Variants in PDE4DIP observed in about 807,000 individuals in gnomAD.
The protein encoded by PDE4DIP is myomegalin.
A neutral mutation model predicts 221.4 loss-of-function variants in PDE4DIP; 59 were observed. The ratio of observed to expected loss-of-function variants is 0.27; its 90% CI spans 0.22 to 0.33. The LOEUF is 0.33. PDE4DIP is among the 10% of genes least tolerant of loss of function. The probability of loss-of-function intolerance (pLI) is 1.00; values close to 1 mark genes in which losing one functional copy is unlikely to be tolerated. For missense variants in PDE4DIP, 1,036 were observed against 2,154.2 expected (o/e 0.48, Z 10.28); for synonymous variants, 404 against 815.9 (o/e 0.50, Z 8.60).
At chr1:149,006,552 A>G (rs1283194042) in intron 27 of PDE4DIP, 1 of 152,180 alleles carries the variant, frequency 6.6e-6, no homozygotes, top group African/African-American at 2.4e-5. Context: ...GGATGAAATG[A>G]TGCTAATTAT....
chr1:148,941,082 C>T (rs1204118627), intron 5 of PDE4DIP, among the ~76,000 whole-genome samples: 1 of 100,802 alleles, frequency 9.9e-6, no homozygotes, highest in African/African-American at 4.1e-5. Context: ...GAGACAGTTG[C>T]TCAGTGAGTA....
intron 14 of PDE4DIP, 36 bp downstream of exon 17, chr1:148,969,066 T>G: frequency 6.5e-7 from 1 of 1,549,060 alleles, no homozygotes. Flanking sequence ...AAGTGTCATG[T>G]AGTGCATTTA....
intron 1 of PDE4DIP, among the ~76,000 whole-genome samples, chr1:148,820,466 G>T (rs1285322960): frequency 6.8e-6 from 1 of 147,732 alleles, no homozygotes; most frequent in Non-Finnish European, 1.5e-5. Flanking sequence ...TACTCAGGAG[G>T]CTGAGGCAGG....
intron 5 of PDE4DIP, among the ~76,000 whole-genome samples, chr1:148,960,048 A>T (rs1403689328): frequency 7.2e-5 from 11 of 152,206 alleles, no homozygotes; most frequent in African/African-American, 2.7e-4. Flanking sequence ...TTAGTTGTAG[A>T]TAGTATACTC....
At chr1:149,019,759 A>C (rs1553615910) in intron 35 of PDE4DIP, among the ~76,000 whole-genome samples, 1 of 152,226 alleles carries the variant, frequency 6.6e-6, no homozygotes, top group Non-Finnish European at 1.5e-5. Context: ...GAAGTGCTGC[A>C]AGTTCAAAAA....
Position 149,009,494 on chromosome 1 carries a change from C to T in PDE4DIP, c.4704-74C>T. On this transcript the variant is annotated intron_variant, in intron 29 of 43. Transcript: ENST00000369354. ...GGTCCCCTTGGCTTACTTGGCTTTT[C>T]CTATGAGCCATAGTCAGGACAGGTT... 6 of 923,562 alleles carry T rather than the reference C, an allele frequency of 6.5e-6. No individual in the cohort carries two copies. In the South Asian group the frequency reaches 8.7e-5, roughly 13 times the overall value. 57.2% of individuals were successfully genotyped at this position (923,562 alleles called of 1,614,324 possible). A position where few individuals can be genotyped will look rare whatever the true frequency, so the allele number is the denominator to read the frequency against.
chr1:148,955,482 A>G (rs1467908597), intron 5 of PDE4DIP, among the ~76,000 whole-genome samples: 3 of 152,162 alleles, frequency 2.0e-5, no homozygotes, highest in Non-Finnish European at 1.5e-5. Context: ...TTTAAAGATC[A>G]TCTTCAGGCA....
intron 1 of PDE4DIP, among the ~76,000 whole-genome samples, chr1:148,919,372 C>T (rs1292285109): frequency 6.6e-6 from 1 of 151,352 alleles, no homozygotes; most frequent in Admixed American, 6.6e-5. Context: ...TTAATGTTAG[C>T]CAGATATCTA....
At position 149,009,649 on chromosome 1, in the gene PDE4DIP, C is replaced by A. The variant is rs782773505; in HGVS notation, c.4785C>A (p.Ser1595=). 13 of 1,614,050 alleles carry A rather than the reference C, an allele frequency of 8.1e-6. No individual in the cohort carries two copies. The South Asian group carries it at 1.3e-4, about 16-fold the overall frequency. Residue 1595 remains serine (S), a synonymous_variant, in exon 30 of 44, where the codon TCC becomes TCA. Coordinates refer to ENST00000369354, the Ensembl canonical transcript of PDE4DIP. ...TGGATGCTCGGTCCCTCACACCCTCCAGCAGCCATGCCTTGTCTGACTCCC... is the reference window on the plus strand; with the variant it reads ...TGGATGCTCGGTCCCTCACACCCTCAAGCAGCCATGCCTTGTCTGACTCCC...
At chr1:148,823,624 AT>A (rs1669888798) in intron 1 of PDE4DIP, among the ~76,000 whole-genome samples, 1 of 150,210 alleles carries the variant, frequency 6.7e-6, no homozygotes, top group Admixed American at 6.6e-5. Context: ...ACAATATCAA[AT>A]TTTAGATTCT....
chr1:148,935,172 C>T (rs1262175896), intron 4 of PDE4DIP, among the ~76,000 whole-genome samples: 13 of 151,894 alleles, frequency 8.6e-5, no homozygotes, highest in Non-Finnish European at 1.6e-4. Context: ...CAAGATTGCG[C>T]CACTGCACTC....
intron 37 of PDE4DIP, among the ~76,000 whole-genome samples, chr1:149,023,809 CAT>C (rs1254053171): frequency 2.8e-5 from 4 of 142,534 alleles, no homozygotes; most frequent in Non-Finnish European, 4.6e-5. Context: ...TATGTGTGCA[CAT>C]ATATATGTAC....
intron 32 of PDE4DIP, among the ~76,000 whole-genome samples, chr1:149,014,863 C>A (rs1318696768): frequency 2.0e-5 from 3 of 152,108 alleles, no homozygotes; most frequent in African/African-American, 4.8e-5. Context: ...TATTGTGTGG[C>A]CAATGGACTG....
chr1:148,827,244 C>CTTTTTTTTTTT (rs67632049), intron 1 of PDE4DIP, among the ~76,000 whole-genome samples: 1 of 34,126 alleles, frequency 2.9e-5, no homozygotes, highest in African/African-American at 8.8e-5. Context: ...GTGTTATATT[C>CTTTTTTTTTTT]TTTTTTTTTT....
exon 24 of PDE4DIP, chr1:149,001,932 A>C: frequency 6.3e-7 from 1 of 1,585,538 alleles, no homozygotes; most frequent in Non-Finnish European, 8.7e-7. Context: ...CCTGGGAAGC[A>C]CCAACACCAA....
At chr1:149,031,501 A>G (rs1370460332) in intron 43 of PDE4DIP, among the ~76,000 whole-genome samples, 4 of 152,062 alleles carry the variant, frequency 2.6e-5, no homozygotes, top group Admixed American at 2.6e-4. Flanking sequence ...CCACACCCTC[A>G]TTATGGCAAC....
chr1:149,028,807 A>T, intron 41 of PDE4DIP, 104 bp downstream of exon 44: 1 of 682,656 alleles, frequency 1.5e-6, no homozygotes. Context: ...CAGGAGCCAC[A>T]TAGTGAGTTG....
intron 1 of PDE4DIP, among the ~76,000 whole-genome samples, chr1:148,911,992 G>A (rs1376019286): frequency 6.8e-6 from 1 of 146,808 alleles, no homozygotes; most frequent in Non-Finnish European, 1.5e-5. Context: ...ATAAGTCGCA[G>A]GGCCTGCTCA....
At position 148,934,925 on chromosome 1, in the gene PDE4DIP, G is replaced by C. The variant is rs2048872124; in HGVS notation, c.518+2637G>C. On this transcript the variant is annotated intron_variant, in intron 4 of 43. Transcript: ENST00000369354. The stretch of plus-strand genomic sequence containing the variant: ...ACCATACCCAGCCCAATGTTTTTAA[G>C]TTTTAAAAGTTATTTCTCCTGGGAA... Among the ~76,000 whole-genome samples the C allele has an allele frequency of 2.0e-5, 3 of 150,936 alleles. No homozygotes were observed. The South Asian group carries it at 6.5e-4, about 33-fold the overall frequency.
Sources: allele counts gnomAD v4.1 joint callset (sites outside exome capture counted in the v4.1 genomes callset), GRCh38; gene constraint gnomAD v4.1.1; transcripts MANE v1.5; gene names NCBI Gene and HGNC (gene_info 2026-07-23, HGNC 2026-07-21).